MLPH: variants seen among roughly 807,000 people sequenced by gnomAD.
MLPH encodes the protein exophilin-3.
In MLPH, 51 loss-of-function variants were observed where a neutral mutation model predicts 72.1. The ratio of observed to expected loss-of-function variants is 0.71; its 90% CI spans 0.56 to 0.89. MLPH has a LOEUF of 0.89. Among genes scored for constraint, MLPH ranks in the 40% least tolerant of loss-of-function variants. The probability of loss-of-function intolerance (pLI) is 0.00; values close to 1 mark genes in which losing one functional copy is unlikely to be tolerated. For synonymous variants in MLPH, 301 were observed against 310.1 expected, an observed-to-expected ratio of 0.97 and a Z score of 0.31; for missense variants, 743 against 759.9, an observed-to-expected ratio of 0.98 and a Z score of 0.26.
intron 1 of MLPH, among the ~76,000 whole-genome samples, chr2:237,492,462 T>TAA (rs397961915): frequency 1.7e-3 from 222 of 132,250 alleles, no homozygotes; most frequent in African/African-American, 2.8e-3. Flanking sequence ...AACTCGTCTC[T>TAA]AAAAAAAAAA....
intron 6 of MLPH, among the ~76,000 whole-genome samples, chr2:237,520,296 G>T (rs1407291145): frequency 1.3e-5 from 2 of 152,184 alleles, no homozygotes; most frequent in African/African-American, 4.8e-5. Flanking sequence ...CTGGACAGAT[G>T]AGTTGGGGCC....
At chr2:237,514,131 G>A (rs2079965302) in intron 4 of MLPH, among the ~76,000 whole-genome samples, 1 of 152,236 alleles carries the variant, frequency 6.6e-6, no homozygotes, top group Admixed American at 6.5e-5. Flanking sequence ...GGCTGAGTGG[G>A]GAACCTAGCA....
At chr2:237,545,266 C>T (rs895340619) in intron 12 of MLPH, among the ~76,000 whole-genome samples, 1 of 149,242 alleles carries the variant, frequency 6.7e-6, no homozygotes, top group Non-Finnish European at 1.5e-5. Context: ...AACACAGCAA[C>T]CCAGTTGAGT....
chr2:237,554,159 G>A lies in MLPH; in HGVS notation c.*567G>A, dbSNP rs895148605. 1.1e-4 allele frequency: 27 copies of A among 235,710 alleles called. No homozygotes were observed. Among genetic ancestry groups the A allele is most frequent in the Middle Eastern group, 3.2e-3 (2 of 622 alleles). The allele number at this position is 235,710 out of a possible 1,614,324, so 14.6% of individuals were successfully genotyped here. A position where few individuals can be genotyped will look rare whatever the true frequency, so the allele number is the denominator to read the frequency against. On this transcript the variant is annotated 3_prime_UTR_variant, in exon 16 of 16. Transcript: ENST00000264605. ...CCCAGTCCCCACCCTACGTGCACCC[G>A]CTCTGCAAGTTCCCATGTGATCTGT...
chr2:237,542,729 T>C, intron 12 of MLPH, 70 bp downstream of exon 12: 2 of 709,736 alleles, frequency 2.8e-6, no homozygotes, highest in Non-Finnish European at 3.9e-6. Context: ...CGGACAGTGG[T>C]GAGTGGGGGA....
chr2:237,493,590 G>C (rs2106455247), intron 2 of MLPH, 54 bp downstream of exon 2: 1 of 1,404,114 alleles, frequency 7.1e-7, no homozygotes, highest in Admixed American at 1.7e-5. Context: ...CTTCCCCCAG[G>C]GCCATCATAT....
At chr2:237,537,599 C>T (rs10186871) in intron 9 of MLPH, 25,104 of 152,260 alleles carry the variant, frequency 0.16, 2,574 homozygotes, top group East Asian at 0.34. Flanking sequence ...CTAAAACACG[C>T]GGCTTCTTCA....
chr2:237,551,419 C>T (rs2081038428), intron 14 of MLPH, among the ~76,000 whole-genome samples: 1 of 152,250 alleles, frequency 6.6e-6, no homozygotes, highest in African/African-American at 2.4e-5. Context: ...TCGCAAGCTC[C>T]CAGCTGATGT....
At chr2:237,517,048 A>G (rs1280661163) in intron 4 of MLPH, among the ~76,000 whole-genome samples, 42 of 81,926 alleles carry the variant, frequency 5.1e-4, no homozygotes, top group Middle Eastern at 0.01. Context: ...TGGATAGGTA[A>G]GTGGATGGGT....
chr2:237,518,914 G>A (rs1379400026), intron 5 of MLPH, among the ~76,000 whole-genome samples: 1 of 152,218 alleles, frequency 6.6e-6, no homozygotes, highest in South Asian at 2.1e-4. Context: ...TGTGGCCAGA[G>A]TCTGGGGGCA....
At chr2:237,516,879 G>A (rs1366258617) in intron 4 of MLPH, among the ~76,000 whole-genome samples, 1 of 149,774 alleles carries the variant, frequency 6.7e-6, no homozygotes, top group Non-Finnish European at 1.5e-5. Flanking sequence ...ATGGGTGGAT[G>A]GATGGTAGGA....
At chr2:237,530,716 C>T (rs1421562664) in intron 8 of MLPH, among the ~76,000 whole-genome samples, 3 of 152,212 alleles carry the variant, frequency 2.0e-5, no homozygotes, top group Non-Finnish European at 1.5e-5. Context: ...CCATTGGGGC[C>T]CACAATTCCT....
Position 237,516,408 on chromosome 2 carries a change from A to G in MLPH, c.446-2131A>G, listed in dbSNP as rs142806310. On this transcript the variant is annotated intron_variant, in intron 4 of 15. Coordinates refer to ENST00000264605, the MANE Select transcript of MLPH (RefSeq NM_024101.7). ...GGGGGGCAGAGAAAGGAGAGGGGGC[A>G]TGAGGGCTGGGCCTCACCTCCCTTC... 3.5e-4 allele frequency among the ~76,000 whole-genome samples: 53 copies of G among 152,248 alleles called. 1 individual carries two copies. In the East Asian group the frequency reaches 9.8e-3, roughly 28 times the overall value.
At chr2:237,535,045 G>T (rs1248027014) in intron 9 of MLPH, among the ~76,000 whole-genome samples, 3 of 152,198 alleles carry the variant, frequency 2.0e-5, no homozygotes, top group Non-Finnish European at 4.4e-5. Context: ...AGCTTAGTCT[G>T]CTATATGCTG....
At chr2:237,546,777 A>T (rs966256403) in intron 13 of MLPH, 94 bp downstream of exon 13, 1 of 1,033,508 alleles carries the variant, frequency 9.7e-7, no homozygotes, top group Non-Finnish European at 1.5e-6. Flanking sequence ...GGTGGCAGAG[A>T]TGCAATGTCC....
At chr2:237,552,561 G>T (rs1333049116) in intron 15 of MLPH, 124 bp downstream of exon 15, 7 of 801,508 alleles carry the variant, frequency 8.7e-6, no homozygotes, top group Non-Finnish European at 1.4e-5. Context: ...TCAGACCTGA[G>T]AATCAAAGCA....
intron 14 of MLPH, among the ~76,000 whole-genome samples, chr2:237,550,779 C>A (rs148629284): frequency 6.6e-6 from 1 of 152,100 alleles, no homozygotes; most frequent in Admixed American, 6.5e-5. Context: ...GAACTCCTGA[C>A]GTCAGATGAT....
Position 237,554,421 on chromosome 2 carries a change from G to T in MLPH, c.*829G>T, listed in dbSNP as rs2081093272. On this transcript the variant is annotated 3_prime_UTR_variant, in exon 16 of 16. Transcript: ENST00000264605. ...CAACCAATGAGGGATGTCTGCCAAG[G>T]ATGGGGGTGCAGAGGCCACAGGAGT... 1 of 155,448 alleles carries T rather than the reference G, an allele frequency of 6.4e-6. No individual in the cohort carries two copies. The highest frequency in any genetic ancestry group is 1.9e-4 in the East Asian group (1 of 5,224). 9.6% of individuals were successfully genotyped at this position (155,448 alleles called of 1,614,324 possible).
chr2:237,501,894 C>T (rs1408111874), intron 2 of MLPH, among the ~76,000 whole-genome samples: 4 of 151,984 alleles, frequency 2.6e-5, no homozygotes, highest in African/African-American at 4.8e-5. Flanking sequence ...AAAACTTTTC[C>T]GCTCATCTCC....
Sources: gnomAD v4.1 joint callset for allele counts (sites outside exome capture counted in the v4.1 genomes callset) on GRCh38, gnomAD v4.1.1 for gene constraint, MANE v1.5 for transcripts, NCBI Gene and HGNC (gene_info 2026-07-23, HGNC 2026-07-21) for gene names.